Variants in SHOX2 observed in about 807,000 individuals in gnomAD.
The protein encoded by SHOX2 is short stature homeobox protein 2.
SHOX2 carries 13 observed loss-of-function variants against 31.3 expected under a neutral mutation model. The observed-to-expected ratio is 0.42, with a 90% CI of 0.27 to 0.66. SHOX2 has a LOEUF of 0.66. SHOX2 is among the 30% of genes least tolerant of loss of function. The probability of loss-of-function intolerance (pLI) is 0.27; values close to 1 mark genes in which losing one functional copy is unlikely to be tolerated. For missense variants in SHOX2, 473 were observed against 443.0 expected, an observed-to-expected ratio of 1.07 and a Z score of -0.61; for synonymous variants, 244 against 196.2, an observed-to-expected ratio of 1.24 and a Z score of -2.04.
Position 158,097,910 on chromosome 3 carries a change from G to A in SHOX2, c.*117C>T, listed in dbSNP as rs1713223215. ...ATAGGGGACGAGGGATGGTCAGTGA[G>A]GCGGGAAGAGGGCCGGCTCCCGAGG... On this transcript the variant is annotated 3_prime_UTR_variant, in exon 5 of 5. Transcript: ENST00000483851. 3 of 1,302,542 alleles carry A rather than the reference G, an allele frequency of 2.3e-6. No homozygotes were observed. The African/African-American group carries it at 4.4e-5, about 19-fold the overall frequency. 80.7% of individuals were successfully genotyped at this position (1,302,542 alleles called of 1,614,324 possible). A position where few individuals can be genotyped will look rare whatever the true frequency, so the allele number is the denominator to read the frequency against.
chr3:158,100,048 AC>A (rs1281404592), intron 3 of SHOX2, 100 bp from the exon 4 acceptor site: 3 of 1,085,570 alleles, frequency 2.8e-6, no homozygotes, highest in Non-Finnish European at 4.1e-6. Flanking sequence ...TTGAAAATGG[AC>A]TATTATCTTT....
chr3:158,106,035 C>T lies in SHOX2; in HGVS notation c.-11G>A. 6.2e-7 allele frequency: 1 copy of T among 1,612,284 alleles called. No homozygotes were observed. Among genetic ancestry groups the T allele is most frequent in the Non-Finnish European group, 8.5e-7 (1 of 1,179,212 alleles). ...CGTAAGTTCTTCCATCGCCGCCGCA[C>T]GTCAGCCCGGCGCTCAACCTCTGCC... On this transcript the variant is annotated 5_prime_UTR_variant, in exon 1 of 5. It adds an upstream start codon to the 5' untranslated region. Coordinates refer to ENST00000483851, the MANE Select transcript of SHOX2 (RefSeq NM_001163678.2).
chr3:158,099,263 T>C (rs1713330549), intron 4 of SHOX2, among the ~76,000 whole-genome samples: 1 of 152,258 alleles, frequency 6.6e-6, no homozygotes, highest in Non-Finnish European at 1.5e-5. Context: ...CTGCAGGCTG[T>C]CCTTTTAAAA....
chr3:158,102,959 CGA>C, intron 1 of SHOX2, 73 bp from the exon 2 acceptor site: 1 of 1,304,780 alleles, frequency 7.7e-7, no homozygotes, highest in African/African-American at 1.4e-5. Context: ...CACACACGGA[CGA>C]AAACAGCACA....
intron 2 of SHOX2, among the ~76,000 whole-genome samples, 155 bp downstream of exon 2, chr3:158,102,523 C>A (rs1713556358): frequency 6.6e-6 from 1 of 151,732 alleles, no homozygotes; most frequent in Admixed American, 6.6e-5. Context: ...CTAAGATCTA[C>A]TTTGGAAAAT....
rs1713940903 is a variant in SHOX2, at chr3:158,106,387, C to A, written c.-363G>T. ...GCTTGTTCAATGTTAAGATCTTTGA[C>A]AATTCTTCCTGCGGAGAGTTCAGAT... On this transcript the variant is annotated 5_prime_UTR_variant, in exon 1 of 5. Transcript: ENST00000483851. The A allele has an allele frequency of 3.5e-6, 1 of 283,058 alleles. No homozygotes were observed. Among genetic ancestry groups the A allele is most frequent in the Non-Finnish European group, 6.7e-6 (1 of 150,208 alleles). 17.5% of individuals were successfully genotyped at this position (283,058 alleles called of 1,614,324 possible).
At position 158,098,283 on chromosome 3, in the gene SHOX2, A is replaced by C; in HGVS notation, c.704T>G (p.Val235Gly). ...VGALRMPFQQVQAQLQLDSAV... is the reference protein window; with the variant it reads ...VGALRMPFQQGQAQLQLDSAV... ...GCTGTCCAGCTGCAGCTGCGCCTGA[A>C]CCTGAAAGGACAAGGGCGTCACGTT... The change falls in exon 5 of 5, where the codon GTT becomes GGT. Residue 235 changes from valine to glycine, a missense_variant and splice_region_variant. By Grantham distance (109) the Val-to-Gly change is moderately radical. Around this residue, in one of 3 missense-constraint regions of SHOX2, gnomAD observed 182 missense variants for 167.2 expected, o/e 1.09. Coordinates refer to ENST00000483851, the MANE Select transcript of SHOX2 (RefSeq NM_001163678.2). The C allele has an allele frequency of 6.2e-7, 1 of 1,613,528 alleles. No homozygotes were observed. Among genetic ancestry groups the C allele is most frequent in the Non-Finnish European group, 8.5e-7 (1 of 1,179,692 alleles).
chr3:158,098,003 G>A lies in SHOX2; in HGVS notation c.*24C>T. On this transcript the variant is annotated 3_prime_UTR_variant, in exon 5 of 5. Coordinates refer to ENST00000483851, the MANE Select transcript of SHOX2 (RefSeq NM_001163678.2). ...GCAGGCTGAGTGCCGCGGGACAGGC[G>A]CGACATTGGTGCTGGCGTTGGCGTC... 1 of 1,566,684 alleles carries A rather than the reference G, an allele frequency of 6.4e-7. No individual in the cohort carries two copies. The highest frequency in any genetic ancestry group is 1.2e-5 in the South Asian group (1 of 83,314).
chr3:158,105,702 G>A lies in SHOX2; in HGVS notation c.323C>T (p.Pro108Leu). 2 of 1,523,332 alleles carry A rather than the reference G, an allele frequency of 1.3e-6. No individual in the cohort carries two copies. The highest frequency in any genetic ancestry group is 1.2e-5 in the South Asian group (1 of 82,824). 94.4% of individuals were successfully genotyped at this position (1,523,332 alleles called of 1,614,324 possible). A position where few individuals can be genotyped will look rare whatever the true frequency, so the allele number is the denominator to read the frequency against. Residue 108 changes from proline (P) to leucine (L), a missense_variant, in exon 1 of 5, where the codon CCG (proline) becomes CTG (leucine). Transcript: ENST00000483851. ...ACCCTCCGTCAGTCGCGGGCTGCCC[G>A]GCTCCCTGCTTCTCTCGGCGGCGCC... The part of the protein sequence containing the change: ...DMGAAERSRE[P>L]GSPRLTEVSP...
In SHOX2 at chr3:158,098,110, C is replaced by A. The variant is rs754628941; in HGVS notation, c.877G>T (p.Ala293Ser). 3.7e-6 allele frequency: 6 copies of A among 1,611,750 alleles called. No individual in the cohort carries two copies. The East Asian group carries it at 8.9e-5, about 24-fold the overall frequency. The change falls in exon 5 of 5, where the codon GCC becomes TCC. Residue 293 changes from alanine (A) to serine (S), a missense_variant. This residue lies in a region of SHOX2 where 182 missense variants were observed against 167.2 expected (regional missense o/e 1.09). Coordinates refer to ENST00000483851, the MANE Select transcript of SHOX2 (RefSeq NM_001163678.2). ...SAASVVAAAA[A>S]AKTTSKNSSI... ...GAGTTCTTGCTGGTGGTCTTGGCGGCTGCTGCGGCCGCCACTACCGAGGCG... is the reference window on the plus strand; with the variant it reads ...GAGTTCTTGCTGGTGGTCTTGGCGGATGCTGCGGCCGCCACTACCGAGGCG...
chr3:158,102,786 C>T lies in SHOX2; in HGVS notation c.447G>A (p.Leu149=), dbSNP rs765426343. The stretch of plus-strand genomic sequence containing the variant: ...GCCTCTCCAGCTCATTGAGTTGTTC[C>T]AGGGTGAAATTGGTCCGACTTCGCC... ...KQRRSRTNFT[L]EQLNELERLF... is the part of the protein sequence containing the mutation. Residue 149 remains leucine (L), a synonymous_variant, in exon 2 of 5, where the codon CTG becomes CTA. Transcript: ENST00000483851. The T allele has an allele frequency of 6.2e-7, 1 of 1,614,038 alleles. No homozygotes were observed. The highest frequency in any genetic ancestry group is 8.5e-7 in the Non-Finnish European group (1 of 1,180,012).
chr3:158,105,709 T>G lies in SHOX2; in HGVS notation c.316A>C (p.Arg106=). 1 of 1,521,550 alleles carries G rather than the reference T, an allele frequency of 6.6e-7. No homozygotes were observed. The highest frequency in any genetic ancestry group is 2.8e-5 in the East Asian group (1 of 36,122). The allele number at this position is 1,521,550 out of a possible 1,614,324, so 94.3% of individuals were successfully genotyped here. A position where few individuals can be genotyped will look rare whatever the true frequency, so the allele number is the denominator to read the frequency against. ...GTCAGTCGCGGGCTGCCCGGCTCCCTGCTTCTCTCGGCGGCGCCCATGTCC... is the reference window on the plus strand; with the variant it reads ...GTCAGTCGCGGGCTGCCCGGCTCCCGGCTTCTCTCGGCGGCGCCCATGTCC... ...ELDMGAAERS[R]EPGSPRLTEV... The change falls in exon 1 of 5, where the codon AGG becomes CGG. Residue 106 remains arginine (R), a synonymous_variant. Coordinates refer to ENST00000483851, the MANE Select transcript of SHOX2 (RefSeq NM_001163678.2).
At position 158,099,951 on chromosome 3, in the gene SHOX2, G is replaced by C. The variant is rs768099181; in HGVS notation, c.614-3C>G. 4 of 1,612,882 alleles carry C rather than the reference G, an allele frequency of 2.5e-6. No homozygotes were observed. Among genetic ancestry groups the C allele is most frequent in the Non-Finnish European group, 3.4e-6 (4 of 1,178,892 alleles). Reference sequence around the variant, plus strand: ...GCTGGCGGCCCCTATGAGAACACCTGTAAAAAGTACAAGAGAAAAATAATG... The same window carrying C: ...GCTGGCGGCCCCTATGAGAACACCTCTAAAAAGTACAAGAGAAAAATAATG... On this transcript the variant is annotated splice_region_variant and splice_polypyrimidine_tract_variant and intron_variant, in intron 3 of 4. Transcript: ENST00000483851.
rs1387919209 is a variant in SHOX2, at chr3:158,102,944, GCACACACA to G, written c.347-66_347-59del. On this transcript the variant is annotated intron_variant, in intron 1 of 4. Transcript: ENST00000483851. The stretch of plus-strand genomic sequence containing the variant: ...CATCCACACGAACACACACACACAC[GCACACACA>G]CACGGACGAAAACAGCACAGCAAAT... 20 of 1,282,356 alleles carry G rather than the reference GCACACACA, an allele frequency of 1.6e-5. 1 individual carries two copies. In the Middle Eastern group the frequency reaches 5.9e-4, roughly 38 times the overall value. The allele number at this position is 1,282,356 out of a possible 1,614,324, so 79.4% of individuals were successfully genotyped here. A position where few individuals can be genotyped will look rare whatever the true frequency, so the allele number is the denominator to read the frequency against.
chr3:158,103,350 TCCCAGAAGG>T, intron 1 of SHOX2: 1 of 224,728 alleles, frequency 4.4e-6, no homozygotes, highest in East Asian at 1.1e-4. Flanking sequence ...CACCGGCCAT[TCCCAGAAGG>T]CTGGCTCGTT....
At chr3:158,104,306 G>A (rs536047322) in intron 1 of SHOX2, among the ~76,000 whole-genome samples, 2 of 152,264 alleles carry the variant, frequency 1.3e-5, no homozygotes, top group Non-Finnish European at 2.9e-5. Context: ...TGGGCACCTT[G>A]ACGGTAACTC....
chr3:158,099,926 G>A lies in SHOX2; in HGVS notation c.636C>T (p.Ser212=), dbSNP rs186414390. Residue 212 remains serine (S), a synonymous_variant, in exon 4 of 5, where the codon AGC becomes AGT. Transcript: ENST00000483851. ...LHKGVLIGAA[S]QFEACRVAPY... is the part of the protein sequence containing the mutation. The stretch of plus-strand genomic sequence containing the variant: ...GTGCGACTCTACAAGCTTCAAACTG[G>A]CTGGCGGCCCCTATGAGAACACCTG... 2.0e-5 allele frequency: 33 copies of A among 1,614,074 alleles called. No individual in the cohort carries two copies. The African/African-American group carries it at 3.7e-4, about 18-fold the overall frequency.
chr3:158,105,414 G>A, intron 1 of SHOX2: 1 of 594,824 alleles, frequency 1.7e-6, no homozygotes, highest in Non-Finnish European at 3.0e-6. Context: ...GCATTTCGGT[G>A]GAATGGGAAC....
chr3:158,105,921 C>A lies in SHOX2; in HGVS notation c.104G>T (p.Arg35Leu). The change falls in exon 1 of 5, where the codon CGC becomes CTC. Residue 35 changes from arginine (R) to leucine (L), a missense_variant. This residue lies in a region of SHOX2 where 276 missense variants were observed against 230.0 expected (regional missense o/e 1.20). Coordinates refer to ENST00000483851, the MANE Select transcript of SHOX2 (RefSeq NM_001163678.2). ...YREVLESGPL[R>L]GAKEPTGCTE... Reference sequence around the variant, plus strand: ...GCAGCCGGTCGGCTCCTTGGCCCCGCGCAGCGGCCCGCTCTCCAGCACCTC... The same window carrying A: ...GCAGCCGGTCGGCTCCTTGGCCCCGAGCAGCGGCCCGCTCTCCAGCACCTC... 1 of 1,605,860 alleles carries A rather than the reference C, an allele frequency of 6.2e-7. No individual in the cohort carries two copies. The highest frequency in any genetic ancestry group is 8.5e-7 in the Non-Finnish European group (1 of 1,176,534).
Sources: gnomAD v4.1 joint callset for allele counts (sites outside exome capture counted in the v4.1 genomes callset) on GRCh38, gnomAD v4.1.1 for gene constraint, gnomAD v4.1.1 regional missense constraint, MANE v1.5 for transcripts, NCBI Gene and HGNC (gene_info 2026-07-23, HGNC 2026-07-21) for gene names.